Variants in PDE1A observed in about 807,000 individuals in gnomAD.
PDE1A encodes phosphodiesterase 1A.
In PDE1A, 35 loss-of-function variants were observed where a neutral mutation model predicts 61.7. That is an observed-to-expected ratio of 0.57 (90% CI 0.43 to 0.75). PDE1A has a LOEUF of 0.75. Ranked by LOEUF, PDE1A falls within the 30% of genes least tolerant of loss-of-function variation. The pLI is 0.00. For missense variants in PDE1A, 597 were observed against 630.6 expected, an observed-to-expected ratio of 0.95 and a Z score of 0.57; for synonymous variants, 232 against 213.2, an observed-to-expected ratio of 1.09 and a Z score of -0.77.
chr2:182,212,709 G>A (rs922671184), intron 7 of PDE1A, among the ~76,000 whole-genome samples: 14 of 151,892 alleles, frequency 9.2e-5, no homozygotes, highest in South Asian at 4.2e-4. Context: ...CTTTTCTGAC[G>A]GGCTTAAAAA....
chr2:182,312,480 T>G lies in PDE1A; in HGVS notation c.54-48066A>C, dbSNP rs374912612. Among the ~76,000 whole-genome samples, 22 of 152,304 alleles carry G rather than the reference T, an allele frequency of 1.4e-4. No homozygotes were observed. The East Asian group carries it at 3.9e-3, about 27-fold the overall frequency. The stretch of plus-strand genomic sequence containing the variant: ...TCATTTTGAGTTAATATTTTACATA[T>G]GATGTGAGATACTCCTAGCAGTTTA... On this transcript the variant is annotated intron_variant, in intron 1 of 13. Transcript: ENST00000351439.
At chr2:182,639,647 A>T in the PDE1A span, among the ~76,000 whole-genome samples, 1 of 152,098 alleles carries the variant, frequency 6.6e-6, no homozygotes, top group Non-Finnish European at 1.5e-5. Context: ...AAAATACAGT[A>T]AGAGATATTG....
the PDE1A span, among the ~76,000 whole-genome samples, chr2:182,701,798 A>G: frequency 2.6e-5 from 4 of 152,226 alleles, no homozygotes; most frequent in Admixed American, 1.3e-4. Flanking sequence ...GAGGAGCTGT[A>G]GTCTCTAGGA....
the PDE1A span, among the ~76,000 whole-genome samples, chr2:182,576,999 C>T: frequency 0.63 from 96,329 of 152,030 alleles, 33,862 homozygotes; most frequent in East Asian, 0.95. Flanking sequence ...ATCAGATATA[C>T]GATTTGCAAA....
chr2:182,376,006 C>G (rs1050307334), intron 1 of PDE1A, among the ~76,000 whole-genome samples: 2 of 152,230 alleles, frequency 1.3e-5, no homozygotes, highest in African/African-American at 4.8e-5. Context: ...CTGCAAGCAG[C>G]ATGGGGACCC....
intron 6 of PDE1A, among the ~76,000 whole-genome samples, chr2:182,224,952 C>T (rs191550433): frequency 2.6e-4 from 39 of 151,952 alleles, no homozygotes; most frequent in African/African-American, 8.4e-4. Context: ...CTATGACACT[C>T]ACTCTGAGTG....
the PDE1A span, among the ~76,000 whole-genome samples, chr2:182,660,435 G>C: frequency 6.6e-6 from 1 of 152,144 alleles, no homozygotes; most frequent in Non-Finnish European, 1.5e-5. Context: ...TGTGTGTGGG[G>C]AGAACCTATG....
At chr2:182,201,650 CAAA>C (rs56413404) in intron 9 of PDE1A, 35 bp downstream of exon 9, 7 of 1,266,416 alleles carry the variant, frequency 5.5e-6, no homozygotes, top group South Asian at 3.1e-5. Flanking sequence ...TTTAACATGA[CAAA>C]AAAAAAAAAA....
chr2:182,413,321 A>C (rs1222950410), intron 1 of PDE1A, among the ~76,000 whole-genome samples: 1 of 152,194 alleles, frequency 6.6e-6, no homozygotes, highest in East Asian at 1.9e-4. Flanking sequence ...GGAACTGTGG[A>C]AGAGGGGCTG....
intron 7 of PDE1A, among the ~76,000 whole-genome samples, chr2:182,213,639 G>A (rs1451180032): frequency 2.0e-5 from 2 of 101,502 alleles, no homozygotes; most frequent in African/African-American, 3.8e-5. Flanking sequence ...CTCAGGAGCC[G>A]ATGTGATCAA....
chr2:182,409,547 A>T (rs1310272301), intron 1 of PDE1A, among the ~76,000 whole-genome samples: 1 of 152,224 alleles, frequency 6.6e-6, no homozygotes, highest in Non-Finnish European at 1.5e-5. Context: ...AAGTAAATGC[A>T]TAGCTAAAAA....
the PDE1A span, among the ~76,000 whole-genome samples, chr2:182,672,891 G>A: frequency 1.1e-4 from 16 of 152,212 alleles, no homozygotes; most frequent in Non-Finnish European, 1.8e-4. Context: ...GGCTCATCAT[G>A]TCTTCCTACC....
chr2:182,399,572 T>C lies in PDE1A; in HGVS notation c.53+27006A>G, dbSNP rs144073831. Among the ~76,000 whole-genome samples the C allele has an allele frequency of 5.3e-5, 8 of 152,238 alleles. No homozygotes were observed. The East Asian group carries it at 9.6e-4, about 18-fold the overall frequency. On this transcript the variant is annotated intron_variant, in intron 1 of 13. Coordinates refer to ENST00000351439, the Ensembl canonical transcript of PDE1A. The stretch of plus-strand genomic sequence containing the variant: ...ATCCCTCTAAGCTTATCAATTGTAA[T>C]AGTATATGTATCCTTTTACAATTTT...
chr2:182,465,972 TA>T (rs1444703449), intron 2 of PDE1A, among the ~76,000 whole-genome samples: 2 of 152,122 alleles, frequency 1.3e-5, no homozygotes, highest in Non-Finnish European at 2.9e-5. Flanking sequence ...CATAAATATT[TA>T]CTATACCAAA....
the PDE1A span, among the ~76,000 whole-genome samples, chr2:182,713,329 C>T: frequency 2.0e-5 from 3 of 152,094 alleles, no homozygotes; most frequent in African/African-American, 7.2e-5. Context: ...CACAGTAACC[C>T]TAATGACCTA....
chr2:182,641,445 T>C, the PDE1A span, among the ~76,000 whole-genome samples: 2 of 152,198 alleles, frequency 1.3e-5, no homozygotes, highest in African/African-American at 4.8e-5. Context: ...TAGATATTTG[T>C]CCAAAACTTT....
Position 182,449,388 on chromosome 2 carries a change from C to T in PDE1A, c.101+72888G>A, listed in dbSNP as rs76879050. On this transcript the variant is annotated intron_variant, in intron 2 of 14. Coordinates refer to the PDE1A transcript ENST00000410103. Reference sequence around the variant, plus strand: ...GAGGGAGGACGAGCGGGCAAAATAACACAAAATAACAGCTCCATGGAAAAA... The same window carrying T: ...GAGGGAGGACGAGCGGGCAAAATAATACAAAATAACAGCTCCATGGAAAAA... Among the ~76,000 whole-genome samples, 10 of 151,686 alleles carry T rather than the reference C, an allele frequency of 6.6e-5. No individual in the cohort carries two copies. In the East Asian group the frequency reaches 1.9e-3, roughly 30 times the overall value.
intron 1 of PDE1A, among the ~76,000 whole-genome samples, chr2:182,421,063 A>G (rs1703246795): frequency 6.6e-6 from 1 of 152,142 alleles, no homozygotes; most frequent in African/African-American, 2.4e-5. Context: ...CGTCTTTTAA[A>G]CAAGTATCCA....
chr2:182,457,701 T>C (rs1191724545), intron 2 of PDE1A, among the ~76,000 whole-genome samples: 2 of 152,006 alleles, frequency 1.3e-5, no homozygotes, highest in Non-Finnish European at 2.9e-5. Flanking sequence ...AAAAAGCATG[T>C]ACAGACAAGC....
Sources: gnomAD v4.1 joint callset for allele counts (sites outside exome capture counted in the v4.1 genomes callset) on GRCh38, gnomAD v4.1.1 for gene constraint, MANE v1.5 for transcripts, NCBI Gene and HGNC (gene_info 2026-07-23, HGNC 2026-07-21) for gene names.